The following FERMT1 variants were observed in gnomAD, a reference collection of about 807,000 sequenced individuals.
The protein encoded by FERMT1 is FERM domain containing kindlin 1, also known as fermitin family homolog 1.
FERMT1 carries 60 observed loss-of-function variants against 85.3 expected under a neutral mutation model. That is an observed-to-expected ratio of 0.70 (90% CI 0.57 to 0.87). The LOEUF is 0.87. Ranked by LOEUF, FERMT1 falls within the 40% of genes least tolerant of loss-of-function variation. FERMT1 has a pLI of 0.00. For missense variants in FERMT1, 701 were observed against 818.9 expected (o/e 0.86, Z 1.76); for synonymous variants, 275 against 301.1 (o/e 0.91, Z 0.90).
In FERMT1 at chr20:6,115,908, C is replaced by T. The variant is rs184921922; in HGVS notation, c.288G>A (p.Met96Ile). ...TCAAATTCGGCAGACGAAGGCGCAG[C>T]ATTTTATGCTGAGGGGTGAAGAGAA... ...AKLLFTPQHK[M>I]LRLRLPNLKM... The change falls in exon 3 of 15, where the codon ATG (methionine) becomes ATA (isoleucine). Residue 96 changes from methionine to isoleucine, a missense_variant. Transcript: ENST00000217289. 3 of 1,614,156 alleles carry T rather than the reference C, an allele frequency of 1.9e-6. No homozygotes were observed. The African/African-American group carries it at 4.0e-5, about 22-fold the overall frequency.
intron 4 of FERMT1, among the ~76,000 whole-genome samples, chr20:6,112,012 A>C (rs533016296): frequency 1.6e-4 from 24 of 152,082 alleles, no homozygotes; most frequent in Non-Finnish European, 3.4e-4. Flanking sequence ...ACAAGCATGC[A>C]GCAGCATGCC....
chr20:6,092,086 G>A (rs1404621342), intron 9 of FERMT1, among the ~76,000 whole-genome samples: 7 of 152,028 alleles, frequency 4.6e-5, no homozygotes, highest in African/African-American at 1.2e-4. Context: ...GATTACAGGC[G>A]CGTGCCACTA....
chr20:6,100,843 T>G (rs989982805), intron 6 of FERMT1, among the ~76,000 whole-genome samples: 2 of 151,996 alleles, frequency 1.3e-5, no homozygotes, highest in African/African-American at 4.8e-5. Context: ...GGATACAGAT[T>G]GAAAAAATAT....
At chr20:6,119,176 G>C (rs1038249436) in intron 2 of FERMT1, among the ~76,000 whole-genome samples, 2 of 152,168 alleles carry the variant, frequency 1.3e-5, no homozygotes, top group African/African-American at 4.8e-5. Context: ...TTGATCTCCT[G>C]ACCTCAGGTG....
intron 7 of FERMT1, 45 bp downstream of exon 7, chr20:6,097,479 C>T: frequency 1.4e-6 from 2 of 1,381,498 alleles, no homozygotes; most frequent in Non-Finnish European, 2.1e-6. Context: ...GCAGAACAAA[C>T]TTGGTTTGTC....
At chr20:6,084,465 C>T (rs918158265) in intron 12 of FERMT1, among the ~76,000 whole-genome samples, 2 of 152,058 alleles carry the variant, frequency 1.3e-5, no homozygotes, top group Non-Finnish European at 2.9e-5. Context: ...CATGAATCAG[C>T]TCATCTGTGC....
At chr20:6,119,363 G>C in intron 2 of FERMT1, 41 bp downstream of exon 2, 1 of 1,603,248 alleles carries the variant, frequency 6.2e-7, no homozygotes, top group South Asian at 1.1e-5. Flanking sequence ...CACCAGACAG[G>C]GTTTCTAATA....
At chr20:6,110,762 A>T (rs952314423) in intron 4 of FERMT1, among the ~76,000 whole-genome samples, 1 of 152,118 alleles carries the variant, frequency 6.6e-6, no homozygotes, top group Non-Finnish European at 1.5e-5. Flanking sequence ...TTCATCTCAA[A>T]AAACAAACAA....
At chr20:6,088,681 T>C (rs1289219662) in intron 10 of FERMT1, among the ~76,000 whole-genome samples, 2 of 146,538 alleles carry the variant, frequency 1.4e-5, no homozygotes, top group African/African-American at 5.1e-5. Flanking sequence ...CAGGCTGGAG[T>C]GCAGTGGCAT....
At chr20:6,115,705 T>A (rs1464417718) in intron 3 of FERMT1, 106 bp downstream of exon 3, 2 of 861,668 alleles carry the variant, frequency 2.3e-6, no homozygotes, top group East Asian at 5.1e-5. Context: ...TCCTAATAGG[T>A]GAGTGTTCTG....
chr20:6,119,294 C>G (rs1983196898), intron 2 of FERMT1, 110 bp downstream of exon 2: 5 of 1,133,636 alleles, frequency 4.4e-6, no homozygotes, highest in Non-Finnish European at 6.6e-6. Flanking sequence ...GGGGATTGCT[C>G]TCCAGGGCAT....
chr20:6,084,424 G>T (rs1489143270), intron 12 of FERMT1, among the ~76,000 whole-genome samples: 3 of 152,114 alleles, frequency 2.0e-5, no homozygotes, highest in Non-Finnish European at 4.4e-5. Flanking sequence ...TCTGTCTGAG[G>T]TCTGTGGAGT....
intron 6 of FERMT1, among the ~76,000 whole-genome samples, chr20:6,107,120 C>T (rs200375556): frequency 3.0e-4 from 45 of 149,276 alleles, no homozygotes; most frequent in African/African-American, 2.2e-4. Flanking sequence ...CGCTTGAACC[C>T]GGGAGGTGGA....
intron 9 of FERMT1, among the ~76,000 whole-genome samples, chr20:6,089,301 C>T (rs1051230996): frequency 4.6e-5 from 7 of 152,248 alleles, no homozygotes; most frequent in African/African-American, 7.2e-5. Context: ...TGGGGCCACA[C>T]CTGGCTCTGC....
At chr20:6,109,600 C>T (rs1331632454) in intron 5 of FERMT1, among the ~76,000 whole-genome samples, 1 of 152,062 alleles carries the variant, frequency 6.6e-6, no homozygotes, top group Non-Finnish European at 1.5e-5. Flanking sequence ...CATTAGAATG[C>T]CTAAAGAGAA....
intron 3 of FERMT1, 62 bp from the exon 4 acceptor site, chr20:6,112,685 A>C (rs1982987980): frequency 1.7e-6 from 2 of 1,191,630 alleles, no homozygotes; most frequent in Non-Finnish European, 2.3e-6. Flanking sequence ...TCTAAGACTC[A>C]GGGTCATTTT....
chr20:6,098,080 C>T (rs975254322), intron 6 of FERMT1, among the ~76,000 whole-genome samples: 4 of 152,216 alleles, frequency 2.6e-5, no homozygotes, highest in Non-Finnish European at 5.9e-5. Context: ...CCACAAAGTG[C>T]TGGAATTACA....
intron 9 of FERMT1, among the ~76,000 whole-genome samples, chr20:6,093,822 G>C (rs543081948): frequency 6.6e-6 from 1 of 152,192 alleles, no homozygotes; most frequent in Non-Finnish European, 1.5e-5. Flanking sequence ...CAGGCGTGAT[G>C]ATGGGCACCT....
chr20:6,081,985 A>G (rs950674201), intron 13 of FERMT1, among the ~76,000 whole-genome samples: 2 of 152,038 alleles, frequency 1.3e-5, no homozygotes, highest in African/African-American at 4.8e-5. Context: ...GCTGCTCTCC[A>G]TCATCCAGGG....
Sources: allele counts gnomAD v4.1 joint callset (sites outside exome capture counted in the v4.1 genomes callset), GRCh38; gene constraint gnomAD v4.1.1; transcripts MANE v1.5; gene names NCBI Gene and HGNC (gene_info 2026-07-23, HGNC 2026-07-21).